Variants in FRMD4A observed in about 807,000 individuals in gnomAD.
FRMD4A encodes FERM domain containing 4A.
A neutral mutation model predicts 129.1 loss-of-function variants in FRMD4A; 29 were observed. The ratio of observed to expected loss-of-function variants is 0.22; its 90% confidence interval spans 0.17 to 0.31. The LOEUF (loss-of-function observed/expected upper bound fraction) is 0.31. Ranked by LOEUF, FRMD4A falls within the 10% of genes least tolerant of loss-of-function variation. The pLI is 1.00. For synonymous variants in FRMD4A, 634 were observed against 571.6 expected, an observed-to-expected ratio of 1.11 and a Z score of -1.56; for missense variants, 1,272 against 1,375.8, an observed-to-expected ratio of 0.92 and a Z score of 1.19.
intron 2 of FRMD4A, among the ~76,000 whole-genome samples, chr10:14,157,100 T>C (rs535115624): frequency 2.0e-5 from 3 of 152,292 alleles, no homozygotes; most frequent in African/African-American, 4.8e-5. Flanking sequence ...GCAGCAAAAG[T>C]CTAGCCTGAA....
At chr10:13,659,646 C>G (rs375813092) in intron 20 of FRMD4A, among the ~76,000 whole-genome samples, 156 bp from the exon 21 acceptor site, 27 of 152,152 alleles carry the variant, frequency 1.8e-4, no homozygotes, top group African/African-American at 6.0e-4. Flanking sequence ...CTCAGCCTTT[C>G]CCCAGCAGGG....
chr10:14,315,955 C>G (rs1023487962), intron 2 of FRMD4A, among the ~76,000 whole-genome samples: 2 of 152,218 alleles, frequency 1.3e-5, no homozygotes, highest in Non-Finnish European at 2.9e-5. Context: ...AAGTTATAGT[C>G]CACATACTGA....
rs554512558 is a variant in FRMD4A at position 13,891,909 on chromosome 10, C to T, written c.46-32997G>A. Among the ~76,000 whole-genome samples, 521 of 147,518 alleles carry T rather than the reference C, an allele frequency of 3.5e-3. 2 individuals carry two copies. The highest frequency in any genetic ancestry group is 0.012 in the African/African-American group (499 of 41,044). ...CGCGCCCGGCCCGCCGCATGGTGCG[C>T]CCAGCGCGCCCCGAGCCAGTCCCCG... On this transcript the variant is annotated intron_variant, in intron 2 of 24. Coordinates refer to ENST00000357447, the MANE Select transcript of FRMD4A (RefSeq NM_018027.5).
chr10:13,658,737 C>T (rs2082386059), intron 21 of FRMD4A, among the ~76,000 whole-genome samples: 1 of 152,088 alleles, frequency 6.6e-6, no homozygotes, highest in African/African-American at 2.4e-5. Context: ...CAAAAATTAG[C>T]CAGGCGTGGT....
At chr10:14,267,236 C>T (rs371105849) in intron 2 of FRMD4A, among the ~76,000 whole-genome samples, 3 of 152,294 alleles carry the variant, frequency 2.0e-5, no homozygotes, top group East Asian at 1.9e-4. Context: ...AGACACATGA[C>T]GCTCTGTGTG....
chr10:14,124,401 C>A (rs548237343), intron 2 of FRMD4A, among the ~76,000 whole-genome samples: 2 of 152,318 alleles, frequency 1.3e-5, no homozygotes, highest in East Asian at 3.9e-4. Context: ...GTGGGCCGGA[C>A]ACGGTGCCTC....
intron 2 of FRMD4A, among the ~76,000 whole-genome samples, chr10:14,185,500 C>G (rs545799640): frequency 2.6e-5 from 4 of 152,112 alleles, no homozygotes; most frequent in East Asian, 1.9e-4. Flanking sequence ...TTTCTAACTT[C>G]AAGTATTTTT....
intron 5 of FRMD4A, among the ~76,000 whole-genome samples, chr10:13,789,804 T>TGTG (rs1554898662): frequency 5.2e-4 from 54 of 104,172 alleles, no homozygotes; most frequent in African/African-American, 1.5e-3. Context: ...TGTGTGTGTG[T>TGTG]TGTGTGGTGA....
chr10:14,248,335 G>A (rs190631946), intron 2 of FRMD4A, among the ~76,000 whole-genome samples: 20 of 152,196 alleles, frequency 1.3e-4, no homozygotes, highest in East Asian at 3.9e-4. Context: ...ATTTAATTCC[G>A]TTGCACATGC....
At chr10:13,946,472 C>G (rs917432716) in intron 2 of FRMD4A, among the ~76,000 whole-genome samples, 4 of 152,216 alleles carry the variant, frequency 2.6e-5, no homozygotes, top group Non-Finnish European at 5.9e-5. Context: ...CCTAATGCAA[C>G]TTTCCCAAGT....
intron 2 of FRMD4A, among the ~76,000 whole-genome samples, chr10:13,974,327 T>A (rs2095533191): frequency 6.6e-6 from 1 of 152,144 alleles, no homozygotes; most frequent in Non-Finnish European, 1.5e-5. Flanking sequence ...CCTGATATCT[T>A]TACCATTTGC....
At chr10:14,125,522 A>G (rs1049878261) in intron 2 of FRMD4A, among the ~76,000 whole-genome samples, 1 of 152,180 alleles carries the variant, frequency 6.6e-6, no homozygotes, top group African/African-American at 2.4e-5. Flanking sequence ...ACATACCAGC[A>G]TGAAGAAGAG....
intron 2 of FRMD4A, among the ~76,000 whole-genome samples, chr10:13,942,699 C>A (rs569879894): frequency 6.6e-6 from 1 of 152,142 alleles, no homozygotes; most frequent in Non-Finnish European, 1.5e-5. Flanking sequence ...CTTTAGGAGG[C>A]TGAGGCTGGC....
chr10:13,908,164 TAAAAAAAAAAAA>T (rs58370207), intron 2 of FRMD4A, among the ~76,000 whole-genome samples: 1 of 41,086 alleles, frequency 2.4e-5, no homozygotes, highest in South Asian at 2.0e-3. Context: ...AAACTCCATC[TAAAAAAAAAAAA>T]AAAAAAAAAA....
Position 14,298,880 on chromosome 10 carries a change from C to G in FRMD4A, c.45+31178G>C, listed in dbSNP as rs533072533. Among the ~76,000 whole-genome samples, 61 of 152,270 alleles carry G rather than the reference C, an allele frequency of 4.0e-4. 1 individual carries two copies. Among genetic ancestry groups the G allele is most frequent in the African/African-American group, 1.3e-3 (52 of 41,570 alleles). On this transcript the variant is annotated intron_variant, in intron 2 of 24. Transcript: ENST00000357447. ...AGGGAATAATCTTGGGAGGGGCTCC[C>G]TTTCCGGATTGAAGCAGGAGGTAGT...
intron 3 of FRMD4A, among the ~76,000 whole-genome samples, chr10:13,827,145 T>C (rs988212943): frequency 1.3e-5 from 2 of 152,160 alleles, no homozygotes; most frequent in Non-Finnish European, 2.9e-5. Context: ...GGGCACAGAA[T>C]TGGACTCTGT....
chr10:14,244,235 T>A (rs1844153939), intron 2 of FRMD4A, among the ~76,000 whole-genome samples: 1 of 152,226 alleles, frequency 6.6e-6, no homozygotes, highest in Non-Finnish European at 1.5e-5. Context: ...TGCTACCCTG[T>A]GCTAGGGGAT....
chr10:13,648,014 C>CCAAA (rs1315197810), intron 24 of FRMD4A: 2 of 145,342 alleles, frequency 1.4e-5, no homozygotes, highest in African/African-American at 5.0e-5. Context: ...CATTTCGGTA[C>CCAAA]CAAACACAGC....
At chr10:13,893,800 C>T (rs887448484) in intron 2 of FRMD4A, among the ~76,000 whole-genome samples, 3 of 152,182 alleles carry the variant, frequency 2.0e-5, no homozygotes, top group South Asian at 2.1e-4. Context: ...CGTGAGCCAC[C>T]GCACCCAGCT....
Sources: gnomAD v4.1 joint callset for allele counts (sites outside exome capture counted in the v4.1 genomes callset) on GRCh38, gnomAD v4.1.1 for gene constraint, MANE v1.5 for transcripts, NCBI Gene and HGNC (gene_info 2026-07-23, HGNC 2026-07-21) for gene names.